The following LDB1 variants were observed in gnomAD, a reference collection of about 807,000 sequenced individuals.
LDB1 encodes LIM domain binding 1.
A neutral mutation model predicts 49.7 loss-of-function variants in LDB1; 6 were observed. The ratio of observed to expected loss-of-function variants is 0.12; its 90% confidence interval spans 0.07 to 0.24. The LOEUF (loss-of-function observed/expected upper bound fraction) is 0.24. LDB1 is among the 10% of genes least tolerant of loss of function. The probability of loss-of-function intolerance (pLI) is 1.00; values close to 1 mark genes in which losing one functional copy is unlikely to be tolerated. For missense variants in LDB1, 341 were observed against 561.7 expected (o/e 0.61, Z 3.97); for synonymous variants, 233 against 202.0 (o/e 1.15, Z -1.30).
chr10:102,109,597 C>T lies in LDB1; in HGVS notation c.732+3G>A. 6.2e-7 allele frequency: 1 copy of T among 1,614,040 alleles called. No homozygotes were observed. The highest frequency in any genetic ancestry group is 8.5e-7 in the Non-Finnish European group (1 of 1,179,988). ...GGCAGAAACTGGGTGGTCGGAGACT[C>T]ACTCGGAGGTAGTTGAGAGTGGAAT... On this transcript the variant is annotated splice_donor_region_variant and intron_variant, in intron 8 of 10. Coordinates refer to ENST00000673968, the MANE Select transcript of LDB1 (RefSeq NM_001113407.3). This position sits in a 1 kb window ranked among gnomAD's most constrained non-coding sequence, Gnocchi z 5.8.
At chr10:102,104,329 T>C (rs556301664), downstream of LDB1, among the ~76,000 whole-genome samples, 1 of 152,248 alleles carries the variant, frequency 6.6e-6, no homozygotes, top group African/African-American at 2.4e-5. Flanking sequence ...AACAGACACA[T>C]ACGTAAACAT....
chr10:102,118,577 C>CCATACATA (rs1210107540), intron 1 of LDB1, among the ~76,000 whole-genome samples: 3 of 152,210 alleles, frequency 2.0e-5, no homozygotes, highest in Non-Finnish European at 4.4e-5. Flanking sequence ...GACAACCCCT[C>CCATACATA]CATACATACA....
intron 1 of LDB1, chr10:102,114,812 G>GGGGGGCCCC: frequency 2.4e-5 from 22 of 929,798 alleles, no homozygotes; most frequent in Non-Finnish European, 2.6e-5. Flanking sequence ...CCTCCGAGCA[G>GGGGGGCCCC]CCCGCCCGCC....
At chr10:102,104,925 C>T (rs956295156), downstream of LDB1, among the ~76,000 whole-genome samples, 4 of 152,146 alleles carry the variant, frequency 2.6e-5, no homozygotes, top group East Asian at 7.7e-4. Flanking sequence ...CATCATATCC[C>T]CAGCACCTAG....
chr10:102,110,301 C>T, intron 6 of LDB1: 1 of 624,356 alleles, frequency 1.6e-6, no homozygotes, highest in Non-Finnish European at 2.8e-6. Context: ...CTGCTCTAAG[C>T]TATATGAGGG....
At position 102,110,667 on chromosome 10, in the gene LDB1, G is replaced by A; in HGVS notation, c.387C>T (p.Arg129=). Residue 129 remains arginine, a synonymous_variant, in exon 6 of 11, where the codon CGC becomes CGT. Coordinates refer to ENST00000673968, the MANE Select transcript of LDB1 (RefSeq NM_001113407.3). The part of the protein sequence containing the change: ...IGRTLIPRYF[R]SIFEGGATEL... Reference sequence around the variant, plus strand: ...CCGTAGCACCCCCCTCAAAGATGCTGCGGAAGTAGCGTGGGATCAGGGTCC... The same window carrying A: ...CCGTAGCACCCCCCTCAAAGATGCTACGGAAGTAGCGTGGGATCAGGGTCC... 1 of 1,613,802 alleles carries A rather than the reference G, an allele frequency of 6.2e-7. No homozygotes were observed. The highest frequency in any genetic ancestry group is 8.5e-7 in the Non-Finnish European group (1 of 1,179,812).
At chr10:102,104,805 T>TA (rs2068141572), downstream of LDB1, among the ~76,000 whole-genome samples, 2 of 152,092 alleles carry the variant, frequency 1.3e-5, no homozygotes, top group Non-Finnish European at 2.9e-5. Context: ...AGCAGCCCCA[T>TA]AACTCAACAC....
In LDB1 at chr10:102,107,811, CT is replaced by C; in HGVS notation, c.*281del. On this transcript the variant is annotated 3_prime_UTR_variant, in exon 11 of 11. Coordinates refer to ENST00000673968, the MANE Select transcript of LDB1 (RefSeq NM_001113407.3). ...TGGGGTGAAGATGGAGGCAAATGCCCTGGGGGGTGGTCAGGACATGTCTCAG... is the reference window on the plus strand; with the variant it reads ...TGGGGTGAAGATGGAGGCAAATGCCCGGGGGGTGGTCAGGACATGTCTCAG... 2.0e-6 allele frequency: 1 copy of C among 501,484 alleles called. No homozygotes were observed. Among genetic ancestry groups the C allele is most frequent in the Non-Finnish European group, 3.6e-6 (1 of 278,520 alleles). 31.1% of individuals were successfully genotyped at this position (501,484 alleles called of 1,614,324 possible).
upstream of LDB1, chr10:102,120,497 C>A (rs959178649): frequency 4.1e-6 from 2 of 487,532 alleles, no homozygotes; most frequent in Non-Finnish European, 5.3e-6. Context: ...CAGCCCAAGC[C>A]GGGCAGGGCC....
intron 10 of LDB1, 50 bp from the exon 11 acceptor site, chr10:102,108,373 G>T: frequency 6.7e-7 from 1 of 1,483,536 alleles, no homozygotes; most frequent in Non-Finnish European, 9.3e-7. Context: ...GGCTCGCCCG[G>T]CCCAGGGCGG....
At position 102,107,965 on chromosome 10, in the gene LDB1, C is replaced by G. The variant is rs971565483; in HGVS notation, c.*128G>C. The G allele has an allele frequency of 2.5e-6, 2 of 802,744 alleles. No individual in the cohort carries two copies. The highest frequency in any genetic ancestry group is 3.4e-5 in the African/African-American group (2 of 58,710). The allele number at this position is 802,744 out of a possible 1,614,324, so 49.7% of individuals were successfully genotyped here. A position where few individuals can be genotyped will look rare whatever the true frequency, so the allele number is the denominator to read the frequency against. Reference sequence around the variant, plus strand: ...CACCTGCCCCCAGAGAGTCCAGTTCCTCCCTGAAGCGGGTGGATGGAGGCT... The same window carrying G: ...CACCTGCCCCCAGAGAGTCCAGTTCGTCCCTGAAGCGGGTGGATGGAGGCT... On this transcript the variant is annotated 3_prime_UTR_variant, in exon 11 of 11. Transcript: ENST00000673968.
downstream of LDB1, among the ~76,000 whole-genome samples, chr10:102,105,406 T>C (rs188260079): frequency 6.6e-4 from 100 of 152,198 alleles, 1 homozygote; most frequent in Non-Finnish European, 1.1e-3. Context: ...TCCTACCAGC[T>C]AGGGAGGTGA....
In LDB1 at chr10:102,107,946, C is replaced by T. The variant is rs1017974860; in HGVS notation, c.*147G>A. 2.7e-6 allele frequency: 2 copies of T among 734,860 alleles called. No homozygotes were observed. Among genetic ancestry groups the T allele is most frequent in the African/African-American group, 1.7e-5 (1 of 57,246 alleles). 45.5% of individuals were successfully genotyped at this position (734,860 alleles called of 1,614,324 possible). A position where few individuals can be genotyped will look rare whatever the true frequency, so the allele number is the denominator to read the frequency against. ...CTGGGGGGGCAAATCTTGGCACCTGCCCCCAGAGAGTCCAGTTCCTCCCTG... is the reference window on the plus strand; with the variant it reads ...CTGGGGGGGCAAATCTTGGCACCTGTCCCCAGAGAGTCCAGTTCCTCCCTG... On this transcript the variant is annotated 3_prime_UTR_variant, in exon 11 of 11. Transcript: ENST00000673968.
chr10:102,120,161 T>G lies in LDB1; in HGVS notation c.-51A>C. 8.1e-7 allele frequency: 1 copy of G among 1,238,188 alleles called. No individual in the cohort carries two copies. Among genetic ancestry groups the G allele is most frequent in the Non-Finnish European group, 1.0e-6 (1 of 982,640 alleles). 76.7% of individuals were successfully genotyped at this position (1,238,188 alleles called of 1,614,324 possible). A position where few individuals can be genotyped will look rare whatever the true frequency, so the allele number is the denominator to read the frequency against. Reference sequence around the variant, plus strand: ...CCAGCCGAGTCACGGTGCCCGCCCCTCGCGGGGACAGGCCGGGCATGAGCC... The same window carrying G: ...CCAGCCGAGTCACGGTGCCCGCCCCGCGCGGGGACAGGCCGGGCATGAGCC... On this transcript the variant is annotated 5_prime_UTR_variant, in exon 1 of 11. Coordinates refer to ENST00000673968, the MANE Select transcript of LDB1 (RefSeq NM_001113407.3).
chr10:102,118,800 A>G (rs2068365000), intron 1 of LDB1, among the ~76,000 whole-genome samples: 1 of 152,174 alleles, frequency 6.6e-6, no homozygotes. Flanking sequence ...ATGTACACCA[A>G]GCTGGTAGAA....
chr10:102,103,753 G>A (rs1403444866), downstream of LDB1, among the ~76,000 whole-genome samples: 1 of 152,044 alleles, frequency 6.6e-6, no homozygotes, highest in African/African-American at 2.4e-5. Flanking sequence ...GGCGGAGGTT[G>A]CAGTGAGCCG....
In LDB1 at chr10:102,106,541, C is replaced by CAA. The variant is rs558516308; in HGVS notation, c.*1550_*1551dup. On this transcript the variant is annotated 3_prime_UTR_variant, in exon 11 of 11. Transcript: ENST00000673968. ...GGTACCATACATGACTCAAATGGCCCAAAAAAAAAAAAAAAAAAAAAAAAA... is the reference window on the plus strand; with the variant it reads ...GGTACCATACATGACTCAAATGGCCCAAAAAAAAAAAAAAAAAAAAAAAAAAA... 7.5e-3 allele frequency among the ~76,000 whole-genome samples: 134 copies of CAA among 17,778 alleles called. 49 individuals are homozygous for CAA. Among genetic ancestry groups the CAA allele is most frequent in the Non-Finnish European group, 0.011 (105 of 9,518 alleles). 11.7% of individuals were successfully genotyped at this position (17,778 alleles called of 152,430 possible).
chr10:102,120,444 T>G, upstream of LDB1: 1 of 963,036 alleles, frequency 1.0e-6, no homozygotes, highest in Non-Finnish European at 1.2e-6. Context: ...CGCCCCCCTC[T>G]CCGCCCTCGC....
rs1371013150 is a variant in LDB1, at chr10:102,117,863, G to C, written c.25+2223C>G. 3.3e-5 allele frequency among the ~76,000 whole-genome samples: 5 copies of C among 152,220 alleles called. No individual in the cohort carries two copies. The highest frequency in any genetic ancestry group is 3.3e-4 in the Admixed American group (5 of 15,288). ...CAATATGGGTGTTGGGCATGTGTATGTGTGTATCTTGTGGTGCTTCTGCGT... is the reference window on the plus strand; with the variant it reads ...CAATATGGGTGTTGGGCATGTGTATCTGTGTATCTTGTGGTGCTTCTGCGT... On this transcript the variant is annotated intron_variant, in intron 1 of 10. Coordinates refer to ENST00000673968, the MANE Select transcript of LDB1 (RefSeq NM_001113407.3). This position sits in a 1 kb window ranked among gnomAD's most constrained non-coding sequence, Gnocchi z 4.2.
Sources: allele counts gnomAD v4.1 joint callset (sites outside exome capture counted in the v4.1 genomes callset), GRCh38; gene constraint gnomAD v4.1.1; non-coding constraint Gnocchi (gnomAD v3.1); transcripts MANE v1.5; gene names NCBI Gene and HGNC (gene_info 2026-07-23, HGNC 2026-07-21).